Variants in DOCK4 observed in about 807,000 individuals in gnomAD.
DOCK4 encodes the protein dedicator of cytokinesis 4.
A neutral mutation model predicts 268.1 loss-of-function variants in DOCK4; 97 were observed. That is an observed-to-expected ratio of 0.36 (90% CI 0.31 to 0.43). The LOEUF is 0.43. Ranked by LOEUF, DOCK4 falls within the 20% of genes least tolerant of loss-of-function variation. DOCK4 has a pLI of 1.00. For missense variants in DOCK4, 2,145 were observed against 2,455.7 expected (o/e 0.87, Z 2.67); for synonymous variants, 954 against 887.2 (o/e 1.08, Z -1.34).
At chr7:112,030,697 A>G (rs562342943) in intron 1 of DOCK4, among the ~76,000 whole-genome samples, 88 of 152,312 alleles carry the variant, frequency 5.8e-4, no homozygotes, top group African/African-American at 1.8e-3. Flanking sequence ...GAAAGCCTAG[A>G]GCCACATGGA....
intron 26 of DOCK4, among the ~76,000 whole-genome samples, chr7:111,834,097 C>A (rs1268097749): frequency 6.6e-6 from 1 of 152,146 alleles, no homozygotes; most frequent in African/African-American, 2.4e-5. Flanking sequence ...TTAATGTCAG[C>A]TTGTCAGAGT....
chr7:112,126,573 T>C (rs1813235130), intron 1 of DOCK4, among the ~76,000 whole-genome samples: 1 of 152,086 alleles, frequency 6.6e-6, no homozygotes, highest in African/African-American at 2.4e-5. Flanking sequence ...CTAATTAAAC[T>C]AAAAAGCTTC....
chr7:112,122,086 T>C (rs1048463846), intron 1 of DOCK4, among the ~76,000 whole-genome samples: 3 of 152,244 alleles, frequency 2.0e-5, no homozygotes, highest in African/African-American at 7.2e-5. Context: ...TTGTCATACT[T>C]GATTCTCATT....
intron 30 of DOCK4, among the ~76,000 whole-genome samples, chr7:111,802,683 T>C (rs1800391338): frequency 3.3e-5 from 5 of 152,140 alleles, no homozygotes; most frequent in Admixed American, 2.6e-4. Context: ...TTTGAATCTC[T>C]TAAAAAAAAT....
In DOCK4 at chr7:111,998,464, A is replaced by T; in HGVS notation, c.202T>A (p.Cys68Ser). The T allele has an allele frequency of 6.3e-7, 1 of 1,590,312 alleles. No individual in the cohort carries two copies. Residue 68 changes from cysteine (C) to serine (S), a missense_variant, in exon 4 of 53, where the codon TGT (cysteine) becomes AGT (serine). Physicochemically the swap from Cys to Ser is moderately radical, Grantham distance 112. Transcript: ENST00000428084. ...ATTTCTTACCCTTTGTTCTTTACAC[A>T]GGCATTTTTCAAGTGAACGTAGCTG... Reference protein sequence around the residue: ...PSSYVHLKNACVKNKGQFEMV... With the variant: ...PSSYVHLKNASVKNKGQFEMV...
intron 1 of DOCK4, among the ~76,000 whole-genome samples, chr7:112,171,489 TTAATA>T (rs1818078508): frequency 6.6e-6 from 1 of 152,148 alleles, no homozygotes; most frequent in Non-Finnish European, 1.5e-5. Context: ...CACTTTATCT[TTAATA>T]TAATATTTGA....
intron 5 of DOCK4, among the ~76,000 whole-genome samples, chr7:111,991,545 C>T (rs894306651): frequency 1.1e-4 from 16 of 152,172 alleles, no homozygotes; most frequent in African/African-American, 2.6e-4. Context: ...TTTTAGAAAG[C>T]GATGAGCTTT....
chr7:111,773,241 A>C (rs923599872), intron 36 of DOCK4, among the ~76,000 whole-genome samples: 2 of 152,200 alleles, frequency 1.3e-5, no homozygotes, highest in African/African-American at 4.8e-5. Context: ...TAAGTCACTT[A>C]AACAGAATCC....
intron 1 of DOCK4, among the ~76,000 whole-genome samples, chr7:112,112,885 C>T (rs1358474718): frequency 6.6e-6 from 1 of 152,134 alleles, no homozygotes; most frequent in African/African-American, 2.4e-5. Context: ...TATTCTATTC[C>T]AGTTTCTACC....
intron 1 of DOCK4, among the ~76,000 whole-genome samples, chr7:112,066,054 A>C (rs1427582847): frequency 6.6e-6 from 1 of 152,136 alleles, no homozygotes; most frequent in African/African-American, 2.4e-5. Flanking sequence ...GTGATGGCTA[A>C]TTTTAGGTAT....
At chr7:111,791,276 T>TACACCAC (rs1799524322) in intron 30 of DOCK4, among the ~76,000 whole-genome samples, 1 of 134,834 alleles carries the variant, frequency 7.4e-6, no homozygotes, top group Non-Finnish European at 1.5e-5. Context: ...ATTTAAAAAA[T>TACACCAC]ACACACACAC....
intron 22 of DOCK4, among the ~76,000 whole-genome samples, chr7:111,864,250 A>AT (rs1305665883): frequency 6.6e-6 from 1 of 151,998 alleles, no homozygotes; most frequent in African/African-American, 2.4e-5. Context: ...ATGTAAAAAA[A>AT]AAAAAAACCC....
intron 1 of DOCK4, among the ~76,000 whole-genome samples, chr7:112,087,053 A>C (rs562638423): frequency 6.6e-6 from 1 of 151,920 alleles, no homozygotes; most frequent in Non-Finnish European, 1.5e-5. Flanking sequence ...TCAGAGTTCT[A>C]TATTTTGTGG....
intron 8 of DOCK4, among the ~76,000 whole-genome samples, 168 bp from the exon 9 acceptor site, chr7:111,945,966 T>C (rs1795588048): frequency 6.6e-6 from 1 of 152,206 alleles, no homozygotes. Flanking sequence ...AAATATTTGC[T>C]TCACTTCTGT....
chr7:111,911,992 A>G (rs1466585338), intron 13 of DOCK4, among the ~76,000 whole-genome samples: 1 of 152,192 alleles, frequency 6.6e-6, no homozygotes, highest in East Asian at 1.9e-4. Flanking sequence ...TTTCGACAAC[A>G]GTACCATGAG....
chr7:111,764,073 CTG>C (rs1204472384), intron 39 of DOCK4, among the ~76,000 whole-genome samples: 5 of 152,152 alleles, frequency 3.3e-5, no homozygotes, highest in Admixed American at 3.3e-4. Flanking sequence ...GCCCACTACA[CTG>C]TGTGGAGTCT....
intron 12 of DOCK4, among the ~76,000 whole-genome samples, chr7:111,919,651 G>C (rs1792938211): frequency 6.6e-6 from 1 of 152,186 alleles, no homozygotes; most frequent in African/African-American, 2.4e-5. Context: ...CTGCCATTTG[G>C]AGGTTCCCTA....
At position 111,977,157 on chromosome 7, in the gene DOCK4, C is replaced by CA; in HGVS notation, c.675dup (p.Asp226Ter). On this transcript the variant is annotated frameshift_variant, in exon 8 of 53. Transcript: ENST00000428084. LOFTEE classifies it high-confidence loss of function. The stretch of plus-strand genomic sequence containing the variant: ...CTGATTGGCCGGTTCTCTTTACTGT[C>CA]AAAGAGTGAGAAGATGACCTCCAGC... 6.2e-7 allele frequency: 1 copy of CA among 1,613,162 alleles called. No homozygotes were observed. Among genetic ancestry groups the CA allele is most frequent in the Non-Finnish European group, 8.5e-7 (1 of 1,179,650 alleles).
intron 12 of DOCK4, among the ~76,000 whole-genome samples, chr7:111,918,760 G>A (rs1259412188): frequency 6.6e-6 from 1 of 152,154 alleles, no homozygotes; most frequent in Non-Finnish European, 1.5e-5. Context: ...GCCAGATCTA[G>A]TACATGATAA....
Sources: allele counts gnomAD v4.1 joint callset (sites outside exome capture counted in the v4.1 genomes callset), GRCh38; gene constraint gnomAD v4.1.1; transcripts MANE v1.5; gene names NCBI Gene and HGNC (gene_info 2026-07-23, HGNC 2026-07-21).